The following PHLPP1 variants were observed in gnomAD, a reference collection of about 807,000 sequenced individuals.
PHLPP1 encodes the protein PH domain leucine-rich repeat-containing protein phosphatase 1.
Under a neutral mutation model 117.2 loss-of-function variants are expected in PHLPP1, and 42 were observed. The ratio of observed to expected loss-of-function variants is 0.36; its 90% CI spans 0.28 to 0.46. The LOEUF is 0.46. Among genes scored for constraint, PHLPP1 ranks in the 20% least tolerant of loss-of-function variants. The probability of loss-of-function intolerance (pLI) is 1.00; values close to 1 mark genes in which losing one functional copy is unlikely to be tolerated. For missense variants in PHLPP1, 2,084 were observed against 2,241.9 expected (o/e 0.93, Z 1.42); for synonymous variants, 1,042 against 970.7 (o/e 1.07, Z -1.37).
intron 1 of PHLPP1, among the ~76,000 whole-genome samples, chr18:62,817,222 G>A (rs1348328600): frequency 6.6e-6 from 1 of 152,204 alleles, no homozygotes; most frequent in African/African-American, 2.4e-5. Context: ...GGAATTGTAG[G>A]TGTGAGCCAC....
intron 1 of PHLPP1, among the ~76,000 whole-genome samples, chr18:62,796,893 T>C (rs761385580): frequency 1.5e-4 from 23 of 152,254 alleles, no homozygotes; most frequent in Non-Finnish European, 2.2e-4. Context: ...ATAGATTGCA[T>C]ATTGTCATCT....
chr18:62,836,393 C>G (rs1914897433), intron 2 of PHLPP1, among the ~76,000 whole-genome samples: 1 of 150,938 alleles, frequency 6.6e-6, no homozygotes, highest in Non-Finnish European at 1.5e-5. Context: ...GATCGTGCCA[C>G]TGCACTGCAG....
chr18:62,765,231 T>C (rs1347873474), intron 1 of PHLPP1, among the ~76,000 whole-genome samples: 1 of 152,188 alleles, frequency 6.6e-6, no homozygotes, highest in Non-Finnish European at 1.5e-5. Context: ...ATGCATGGCC[T>C]TCTCATGTTC....
intron 1 of PHLPP1, among the ~76,000 whole-genome samples, chr18:62,790,688 T>C (rs1913430487): frequency 6.6e-6 from 1 of 152,086 alleles, no homozygotes; most frequent in South Asian, 2.1e-4. Context: ...TGATTCCTGG[T>C]GGTGGCATGC....
chr18:62,867,342 C>T (rs190422217), intron 4 of PHLPP1, among the ~76,000 whole-genome samples: 20 of 152,284 alleles, frequency 1.3e-4, no homozygotes, highest in Admixed American at 1.2e-3. Context: ...CATTGTCTCA[C>T]GCCCCATCTA....
intron 1 of PHLPP1, among the ~76,000 whole-genome samples, chr18:62,793,360 C>T (rs908168534): frequency 6.6e-6 from 1 of 152,162 alleles, no homozygotes; most frequent in Non-Finnish European, 1.5e-5. Flanking sequence ...GGTTTTACCA[C>T]CTGCTGCTGT....
At chr18:62,867,510 G>A (rs182207967) in intron 4 of PHLPP1, among the ~76,000 whole-genome samples, 1 of 152,268 alleles carries the variant, frequency 6.6e-6, no homozygotes, top group East Asian at 1.9e-4. Flanking sequence ...CCTTTCTTGT[G>A]CTGGCTTGAT....
intron 3 of PHLPP1, among the ~76,000 whole-genome samples, chr18:62,849,033 G>GT (rs2144350433): frequency 6.6e-6 from 1 of 152,292 alleles, no homozygotes; most frequent in South Asian, 2.1e-4. Flanking sequence ...AGGCAGCCCA[G>GT]TACTAAGACA....
At position 62,716,854 on chromosome 18, in the gene PHLPP1, C is replaced by G. The variant is rs1024370338; in HGVS notation, c.1171C>G (p.Pro391Ala). The change falls in exon 1 of 17, where the codon CCG becomes GCG. Residue 391 changes from proline to alanine, a missense_variant. Transcript: ENST00000262719. The surrounding 1 kb of genome is among the most constrained non-coding windows in gnomAD (Gnocchi z 5.7). ...ADAASAPTGV[P>A]GQPRRPGHPA... Reference sequence around the variant, plus strand: ...CGCAGCCTCGGCCCCGACGGGGGTCCCGGGCCAGCCCCGCCGTCCCGGCCA... The same window carrying G: ...CGCAGCCTCGGCCCCGACGGGGGTCGCGGGCCAGCCCCGCCGTCCCGGCCA... The G allele has an allele frequency of 1.3e-6, 2 of 1,521,950 alleles. No individual in the cohort carries two copies. Among genetic ancestry groups the G allele is most frequent in the Non-Finnish European group, 1.8e-6 (2 of 1,140,946 alleles). 94.3% of individuals were successfully genotyped at this position (1,521,950 alleles called of 1,614,324 possible).
intron 1 of PHLPP1, among the ~76,000 whole-genome samples, chr18:62,717,598 G>A (rs991024572): frequency 6.6e-6 from 1 of 152,190 alleles, no homozygotes; most frequent in Non-Finnish European, 1.5e-5. Context: ...GTTTCAGGCA[G>A]TTTGGGATTT....
intron 14 of PHLPP1, among the ~76,000 whole-genome samples, chr18:62,968,602 A>G (rs1459801632): frequency 7.0e-6 from 1 of 142,490 alleles, no homozygotes; most frequent in Non-Finnish European, 1.5e-5. Context: ...CAGTGGCACA[A>G]TCTCGGTTCA....
intron 1 of PHLPP1, among the ~76,000 whole-genome samples, chr18:62,729,386 C>T (rs760451435): frequency 3.9e-5 from 6 of 152,130 alleles, no homozygotes; most frequent in Non-Finnish European, 5.9e-5. Flanking sequence ...AGAAAATCTC[C>T]GGACCCATTG....
chr18:62,978,870 A>G lies in PHLPP1; in HGVS notation c.4593A>G (p.Leu1531=), dbSNP rs1272880063. The part of the protein sequence containing the change: ...ICLSNSFQRQ[L]SSATFSSAFS... ...TGTCCAACTCCTTCCAGCGCCAGCT[A>G]TCCAGCGCCACGTTCTCTAGCGCCT... Residue 1531 remains leucine, a synonymous_variant, in exon 17 of 17, where the codon CTA becomes CTG. Coordinates refer to ENST00000262719, the MANE Select transcript of PHLPP1 (RefSeq NM_194449.4). This position sits in a 1 kb window ranked among gnomAD's most constrained non-coding sequence, Gnocchi z 7.0. 8.7e-6 allele frequency: 14 copies of G among 1,607,212 alleles called. No homozygotes were observed. In the East Asian group the frequency reaches 1.8e-4, roughly 21 times the overall value.
At chr18:62,826,245 G>A (rs772077934) in intron 1 of PHLPP1, 3 of 424,092 alleles carry the variant, frequency 7.1e-6, no homozygotes, top group South Asian at 3.5e-5. Flanking sequence ...GCTTACTTAC[G>A]GAGATGACAA....
chr18:62,734,607 A>T (rs1568097633), intron 1 of PHLPP1, among the ~76,000 whole-genome samples: 1 of 152,224 alleles, frequency 6.6e-6, no homozygotes, highest in African/African-American at 2.4e-5. Flanking sequence ...TATGAGAAAC[A>T]CCATGGTAAC....
At chr18:62,802,657 C>T (rs1294859400) in intron 1 of PHLPP1, among the ~76,000 whole-genome samples, 1 of 152,098 alleles carries the variant, frequency 6.6e-6, no homozygotes, top group East Asian at 1.9e-4. Context: ...TATGTTTCTT[C>T]TGTAAAACAC....
At chr18:62,869,963 G>C (rs1389644749) in intron 4 of PHLPP1, among the ~76,000 whole-genome samples, 2 of 152,132 alleles carry the variant, frequency 1.3e-5, no homozygotes, top group African/African-American at 2.4e-5. Flanking sequence ...TCTCGCCTCG[G>C]CTTACTGCAA....
At chr18:62,772,723 TG>T (rs1344883839) in intron 1 of PHLPP1, among the ~76,000 whole-genome samples, 6 of 148,284 alleles carry the variant, frequency 4.0e-5, no homozygotes, top group Non-Finnish European at 8.9e-5. Context: ...ACCAGCTACT[TG>T]GGGGGCTGAG....
intron 4 of PHLPP1, among the ~76,000 whole-genome samples, chr18:62,867,711 G>C (rs1915801794): frequency 6.6e-6 from 1 of 152,174 alleles, no homozygotes; most frequent in African/African-American, 2.4e-5. Context: ...CTCAGGGGGT[G>C]TCAGTTTACT....
Sources: allele counts gnomAD v4.1 joint callset (sites outside exome capture counted in the v4.1 genomes callset), GRCh38; gene constraint gnomAD v4.1.1; non-coding constraint Gnocchi (gnomAD v3.1); transcripts MANE v1.5; gene names NCBI Gene and HGNC (gene_info 2026-07-23, HGNC 2026-07-21).